Variants in COL22A1 observed in about 807,000 individuals in gnomAD.
The protein encoded by COL22A1 is collagen type XXII alpha 1 chain, also known as collagen alpha-1(XXII) chain.
A neutral mutation model predicts 248.9 loss-of-function variants in COL22A1; 221 were observed. The observed-to-expected ratio is 0.89, with a 90% CI of 0.80 to 0.99. The LOEUF is 0.99. Among genes scored for constraint, COL22A1 ranks in the 50% least tolerant of loss-of-function variants. COL22A1 has a pLI of 0.00. For synonymous variants in COL22A1, 891 were observed against 793.4 expected, an observed-to-expected ratio of 1.12 and a Z score of -2.07; for missense variants, 2,240 against 2,179.0, an observed-to-expected ratio of 1.03 and a Z score of -0.56.
chr8:138,759,703 T>G (rs2131382692), intron 18 of COL22A1, among the ~76,000 whole-genome samples: 1 of 151,994 alleles, frequency 6.6e-6, no homozygotes, highest in African/African-American at 2.4e-5. Flanking sequence ...AGCAGCAAAT[T>G]TACTTCATTA....
At chr8:138,786,052 C>T (rs1243325158) in intron 12 of COL22A1, among the ~76,000 whole-genome samples, 1 of 152,210 alleles carries the variant, frequency 6.6e-6, no homozygotes, top group African/African-American at 2.4e-5. Flanking sequence ...CTCCCCATCA[C>T]TAAGTACTGA....
intron 36 of COL22A1, among the ~76,000 whole-genome samples, chr8:138,689,822 A>T (rs1826678772): frequency 6.6e-6 from 1 of 152,212 alleles, no homozygotes; most frequent in Non-Finnish European, 1.5e-5. Flanking sequence ...CCTGTGCAGG[A>T]CGTACGCTCA....
At chr8:138,743,375 TTGA>T (rs371423124) in intron 22 of COL22A1, among the ~76,000 whole-genome samples, 1 of 133,302 alleles carries the variant, frequency 7.5e-6, no homozygotes, top group South Asian at 2.4e-4. Flanking sequence ...GATGGTAGAG[TTGA>T]TGATGGTAGT....
rs1271934691 is a variant in COL22A1 at position 138,883,236 on chromosome 8, C to A, written c.-64G>T. On this transcript the variant is annotated 5_prime_UTR_variant, in exon 2 of 65. Coordinates refer to ENST00000303045, the MANE Select transcript of COL22A1 (RefSeq NM_152888.3). ...GAAGAGACGCTGTTAGGGTCTACAG[C>A]AGCATGGCCTGTGTGGAGAAAGACA... 1.4e-6 allele frequency: 2 copies of A among 1,463,206 alleles called. No individual in the cohort carries two copies. The highest frequency in any genetic ancestry group is 1.9e-6 in the Non-Finnish European group (2 of 1,073,126). The allele number at this position is 1,463,206 out of a possible 1,614,324, so 90.6% of individuals were successfully genotyped here. A position where few individuals can be genotyped will look rare whatever the true frequency, so the allele number is the denominator to read the frequency against.
intron 6 of COL22A1, among the ~76,000 whole-genome samples, chr8:138,823,411 T>C (rs1488627526): frequency 6.6e-6 from 1 of 152,160 alleles, no homozygotes; most frequent in Non-Finnish European, 1.5e-5. Flanking sequence ...AGATGTGATT[T>C]ATTGGCTTTT....
chr8:138,617,817 A>T (rs1412505187), intron 53 of COL22A1, among the ~76,000 whole-genome samples: 1 of 152,194 alleles, frequency 6.6e-6, no homozygotes, highest in Non-Finnish European at 1.5e-5. Flanking sequence ...TCTGGAACTC[A>T]GTTTCCACAT....
intron 52 of COL22A1, among the ~76,000 whole-genome samples, 153 bp downstream of exon 52, chr8:138,623,579 C>T (rs1819998650): frequency 6.6e-6 from 1 of 152,034 alleles, no homozygotes; most frequent in Admixed American, 6.6e-5. Context: ...ATGGGGACAG[C>T]AGTGTTTACT....
At chr8:138,783,282 A>C (rs2131542459) in intron 12 of COL22A1, among the ~76,000 whole-genome samples, 1 of 152,270 alleles carries the variant, frequency 6.6e-6, no homozygotes, top group South Asian at 2.1e-4. Context: ...CTAGAGGGAC[A>C]GAACAAATAT....
At chr8:138,731,583 T>C (rs975075436) in intron 23 of COL22A1, among the ~76,000 whole-genome samples, 4 of 151,618 alleles carry the variant, frequency 2.6e-5, no homozygotes, top group African/African-American at 4.8e-5. Flanking sequence ...GTGGGGTTGC[T>C]GTGGGGCATG....
chr8:138,873,899 C>A (rs1823527210), intron 3 of COL22A1, among the ~76,000 whole-genome samples: 2 of 151,882 alleles, frequency 1.3e-5, no homozygotes, highest in Admixed American at 1.3e-4. Flanking sequence ...ACTACTACAT[C>A]AAAAAAAACC....
rs139654575 is a variant in COL22A1 at position 138,779,511 on chromosome 8, G to A, written c.1702C>T (p.Arg568Trp). 2.0e-5 allele frequency: 32 copies of A among 1,610,408 alleles called. No homozygotes were observed. The highest frequency in any genetic ancestry group is 1.1e-4 in the African/African-American group (8 of 74,818). ...EPGLPGEVGM[R>W]GPQGPPGLPG... ...GCCCAGCTCACAGCAACACTCACCC[G>A]CATGCCGACCTCACCCGGCAGCCCC... is the stretch of plus-strand genomic sequence containing the variant. The change falls in exon 14 of 65, where the codon CGG becomes TGG. Residue 568 changes from arginine (R) to tryptophan (W), a missense_variant and splice_region_variant. Physicochemically the swap from Arg to Trp is moderately radical, Grantham distance 101. Transcript: ENST00000303045.
chr8:138,869,047 C>G (rs1428943539), intron 3 of COL22A1, among the ~76,000 whole-genome samples: 5 of 152,144 alleles, frequency 3.3e-5, no homozygotes, highest in Admixed American at 3.3e-4. Context: ...CCTCTTCTTA[C>G]AGATGAAGAG....
chr8:138,708,302 G>C (rs2131032114), intron 30 of COL22A1, among the ~76,000 whole-genome samples: 1 of 152,172 alleles, frequency 6.6e-6, no homozygotes, highest in East Asian at 1.9e-4. Flanking sequence ...AGTTCATAGG[G>C]AACCAAAAAA....
At chr8:138,790,218 A>G (rs1815904890) in intron 12 of COL22A1, among the ~76,000 whole-genome samples, 1 of 152,138 alleles carries the variant, frequency 6.6e-6, no homozygotes, top group African/African-American at 2.4e-5. Context: ...TGGTTCATAG[A>G]TGGCTGTCTT....
chr8:138,634,956 T>A (rs370730938), intron 49 of COL22A1, 54 bp downstream of exon 49: 2 of 1,158,054 alleles, frequency 1.7e-6, no homozygotes, highest in Non-Finnish European at 2.6e-6. Context: ...TGAGTTGAGA[T>A]GTGCATTCAA....
chr8:138,636,517 A>C (rs189213950), intron 48 of COL22A1, among the ~76,000 whole-genome samples: 1 of 150,358 alleles, frequency 6.7e-6, no homozygotes, highest in Admixed American at 6.7e-5. Context: ...AAAGGAAAGG[A>C]AAGGAAAGGA....
intron 48 of COL22A1, 69 bp downstream of exon 48, chr8:138,636,673 T>C: frequency 8.7e-7 from 1 of 1,149,662 alleles, no homozygotes; most frequent in Non-Finnish European, 1.3e-6. Context: ...CATTGTACAA[T>C]GGAAGCCACC....
rs1822237076 is a variant in COL22A1, at chr8:138,646,732, C to T, written c.3448-50G>A. 2.9e-6 allele frequency: 4 copies of T among 1,374,700 alleles called. No homozygotes were observed. In the South Asian group the frequency reaches 5.3e-5, roughly 18 times the overall value. 85.2% of individuals were successfully genotyped at this position (1,374,700 alleles called of 1,614,324 possible). ...AAAGAAAACAAGAATGAGTATCAGG[C>T]CCACATCCAGGGTCATCACCATGCC... On this transcript the variant is annotated intron_variant, in intron 46 of 64. Transcript: ENST00000303045.
intron 42 of COL22A1, among the ~76,000 whole-genome samples, chr8:138,662,476 G>C (rs572768010): frequency 3.3e-5 from 5 of 152,234 alleles, no homozygotes; most frequent in Admixed American, 3.3e-4. Flanking sequence ...GTTTCCTTGT[G>C]CAAGACCCAG....
Sources: allele counts gnomAD v4.1 joint callset (sites outside exome capture counted in the v4.1 genomes callset), GRCh38; gene constraint gnomAD v4.1.1; transcripts MANE v1.5; gene names NCBI Gene and HGNC (gene_info 2026-07-23, HGNC 2026-07-21).